The following TAF13 variants were observed in gnomAD, a reference collection of about 807,000 sequenced individuals.
TAF13 encodes the protein TATA-box binding protein associated factor 13, also known as transcription initiation factor TFIID subunit 13.
A neutral mutation model predicts 18.7 loss-of-function variants in TAF13; 9 were observed. The ratio of observed to expected loss-of-function variants is 0.48; its 90% CI spans 0.29 to 0.84. The LOEUF (loss-of-function observed/expected upper bound fraction) is 0.84. Among genes scored for constraint, TAF13 ranks in the 40% least tolerant of loss-of-function variants. The probability of loss-of-function intolerance (pLI) is 0.08; values close to 1 mark genes in which losing one functional copy is unlikely to be tolerated. For missense variants in TAF13, 105 were observed against 146.5 expected, an observed-to-expected ratio of 0.72 and a Z score of 1.46; for synonymous variants, 49 against 44.1, an observed-to-expected ratio of 1.11 and a Z score of -0.44.
chr1:109,066,989 G>T (rs548571206), intron 2 of TAF13, among the ~76,000 whole-genome samples: 1 of 152,198 alleles, frequency 6.6e-6, no homozygotes, highest in Non-Finnish European at 1.5e-5. Context: ...AAAGTGCTGG[G>T]ATTACAGGCG....
intron 2 of TAF13, among the ~76,000 whole-genome samples, chr1:109,070,974 G>C (rs916910898): frequency 6.6e-6 from 1 of 152,148 alleles, no homozygotes; most frequent in Admixed American, 6.5e-5. Context: ...CATTAGTGAG[G>C]AAACAAAATA....
In TAF13 at chr1:109,065,519, G is replaced by GT. The variant is rs77148789; in HGVS notation, c.204+615dup. ...CAGACACACACACACAAAAAATTGC[G>GT]TATCTTTAAATACTGGAAAAGGAGG... On this transcript the variant is annotated intron_variant, in intron 3 of 3. Transcript: ENST00000338366. Among the ~76,000 whole-genome samples the GT allele has an allele frequency of 3.7e-3, 549 of 150,138 alleles. 15 individuals are homozygous for GT. In the East Asian group the frequency reaches 0.045, roughly 12 times the overall value.
rs775041895 is a variant in TAF13, at chr1:109,064,453, T to A, written c.*70A>T. On this transcript the variant is annotated 3_prime_UTR_variant, in exon 4 of 4. Transcript: ENST00000338366. The stretch of plus-strand genomic sequence containing the variant: ...TTTACATGGCTAGATATCAGAATCT[T>A]ACTTTAGAAAATATACAATTATTAT... 1.6e-4 allele frequency: 205 copies of A among 1,265,868 alleles called. No homozygotes were observed. Among genetic ancestry groups the A allele is most frequent in the Non-Finnish European group, 2.0e-4 (194 of 975,436 alleles). 78.4% of individuals were successfully genotyped at this position (1,265,868 alleles called of 1,614,324 possible).
intron 3 of TAF13, 36 bp from the exon 4 acceptor site, chr1:109,064,729 A>T: frequency 7.2e-7 from 1 of 1,387,822 alleles, no homozygotes; most frequent in Middle Eastern, 1.9e-4. Context: ...TAACTTTTTT[A>T]AATCTAATAT....
chr1:109,071,957 A>AAAAAAAAAAAAT (rs1268379958), intron 2 of TAF13, among the ~76,000 whole-genome samples: 1 of 87,856 alleles, frequency 1.1e-5, no homozygotes, highest in Non-Finnish European at 2.2e-5. Flanking sequence ...TCAAAAAGAA[A>AAAAAAAAAAAAT]ATATATATAT....
At chr1:109,068,762 G>A (rs1265668475) in intron 2 of TAF13, among the ~76,000 whole-genome samples, 3 of 152,196 alleles carry the variant, frequency 2.0e-5, no homozygotes, top group Non-Finnish European at 4.4e-5. Flanking sequence ...AGCACTTTGG[G>A]AGGCCAAGGT....
chr1:109,075,102 AT>A, intron 1 of TAF13, 37 bp from the exon 2 acceptor site: 1 of 1,478,868 alleles, frequency 6.8e-7, no homozygotes, highest in Non-Finnish European at 9.2e-7. Context: ...ATGTCAAATA[AT>A]TGCCTTGCAT....
At chr1:109,072,342 G>A (rs1347548905) in intron 2 of TAF13, among the ~76,000 whole-genome samples, 1 of 151,696 alleles carries the variant, frequency 6.6e-6, no homozygotes, top group African/African-American at 2.4e-5. Context: ...AGTATTAGTA[G>A]CAGCTCTCCC....
chr1:109,065,413 C>A (rs918659249), intron 3 of TAF13, among the ~76,000 whole-genome samples: 1 of 151,954 alleles, frequency 6.6e-6, no homozygotes, highest in South Asian at 2.1e-4. Flanking sequence ...CACTTGAGTC[C>A]GGAAGGTCTC....
At chr1:109,068,929 G>A (rs1307421563) in intron 2 of TAF13, among the ~76,000 whole-genome samples, 1 of 152,154 alleles carries the variant, frequency 6.6e-6, no homozygotes, top group Non-Finnish European at 1.5e-5. Context: ...TTGAACCCAG[G>A]AGGCAGAGGT....
At chr1:109,071,963 TATATATATATATACACAC>T (rs1176907294) in intron 2 of TAF13, among the ~76,000 whole-genome samples, 20 of 9,402 alleles carry the variant, frequency 2.1e-3, no homozygotes, top group East Asian at 6.8e-3. Flanking sequence ...AGAAAATATA[TATATATATATATACACAC>T]ATATATATAT....
At chr1:109,071,960 ATATATATATATATAT>A (rs1557985855) in intron 2 of TAF13, among the ~76,000 whole-genome samples, 574 of 4,734 alleles carry the variant, frequency 0.12, 32 homozygotes, top group South Asian at 0.14. Context: ...AAAAGAAAAT[ATATATATATATATAT>A]ACACACATAT....
intron 2 of TAF13, among the ~76,000 whole-genome samples, chr1:109,073,274 T>TCA (rs981648125): frequency 3.3e-5 from 5 of 150,040 alleles, no homozygotes; most frequent in Non-Finnish European, 7.4e-5. Context: ...GTGCAGTGGC[T>TCA]CACGCCTGTA....
intron 2 of TAF13, among the ~76,000 whole-genome samples, chr1:109,071,981 CATATATATAT>C (rs1158249040): frequency 3.9e-4 from 4 of 10,314 alleles, no homozygotes; most frequent in African/African-American, 1.4e-3. Context: ...TATATACACA[CATATATATAT>C]ATATATATAT....
At chr1:109,065,063 A>T (rs574188137) in intron 3 of TAF13, among the ~76,000 whole-genome samples, 1 of 152,136 alleles carries the variant, frequency 6.6e-6, no homozygotes, top group Non-Finnish European at 1.5e-5. Context: ...CTTAATACCC[A>T]ATAAATATTG....
chr1:109,069,522 G>T (rs923182407), intron 2 of TAF13, among the ~76,000 whole-genome samples: 1 of 151,920 alleles, frequency 6.6e-6, no homozygotes, highest in African/African-American at 2.4e-5. Context: ...TCCATCTGAG[G>T]TTGGTTGAAT....
chr1:109,065,049 CTA>C (rs1177438126), intron 3 of TAF13, among the ~76,000 whole-genome samples: 1 of 152,116 alleles, frequency 6.6e-6, no homozygotes, highest in East Asian at 1.9e-4. Context: ...GTGTCCTCCT[CTA>C]TCTTAATACC....
At chr1:109,071,896 G>A (rs781727594) in intron 2 of TAF13, among the ~76,000 whole-genome samples, 47 of 149,896 alleles carry the variant, frequency 3.1e-4, no homozygotes, top group African/African-American at 1.1e-3. Context: ...AGGCTGCAGT[G>A]AGCCAAGATT....
intron 2 of TAF13, among the ~76,000 whole-genome samples, chr1:109,072,411 A>G (rs1255924558): frequency 1.3e-5 from 2 of 151,836 alleles, no homozygotes; most frequent in Admixed American, 1.3e-4. Flanking sequence ...ATGGAGAATC[A>G]ATACATTATA....
Sources: gnomAD v4.1 joint callset for allele counts (sites outside exome capture counted in the v4.1 genomes callset) on GRCh38, gnomAD v4.1.1 for gene constraint, MANE v1.5 for transcripts, NCBI Gene and HGNC (gene_info 2026-07-23, HGNC 2026-07-21) for gene names.